Variants in SLC12A7 observed in about 807,000 individuals in gnomAD.
SLC12A7 encodes solute carrier family 12 member 7, also known as K-Cl cotransporter 4.
A neutral mutation model predicts 120.6 loss-of-function variants in SLC12A7; 100 were observed. The ratio of observed to expected loss-of-function variants is 0.83; its 90% CI spans 0.71 to 0.98. The LOEUF (loss-of-function observed/expected upper bound fraction) is 0.98. Among genes scored for constraint, SLC12A7 ranks in the 50% least tolerant of loss-of-function variants. The pLI is 0.00. For synonymous variants in SLC12A7, 760 were observed against 678.0 expected, an observed-to-expected ratio of 1.12 and a Z score of -1.88; for missense variants, 1,373 against 1,548.1, an observed-to-expected ratio of 0.89 and a Z score of 1.90.
chr5:1,084,475 G>A lies in SLC12A7; in HGVS notation c.918-519C>T, dbSNP rs146730350. ...TGAGTTCAAGCCACCCTCGTGCCACGTGCCAACGGCCAAGAGCACAGGAGT... is the reference window on the plus strand; with the variant it reads ...TGAGTTCAAGCCACCCTCGTGCCACATGCCAACGGCCAAGAGCACAGGAGT... On this transcript the variant is annotated intron_variant, in intron 7 of 23. Transcript: ENST00000264930. Among the ~76,000 whole-genome samples, 265 of 152,306 alleles carry A rather than the reference G, an allele frequency of 1.7e-3. 3 individuals carry two copies. The highest frequency in any genetic ancestry group is 8.5e-3 in the East Asian group (44 of 5,164).
At chr5:1,131,157 G>A in the SLC12A7 span, among the ~76,000 whole-genome samples, 3 of 152,282 alleles carry the variant, frequency 2.0e-5, no homozygotes, top group Middle Eastern at 3.4e-3. Flanking sequence ...TCACAGGGAC[G>A]TCCCGGATCG....
intron 1 of SLC12A7, among the ~76,000 whole-genome samples, chr5:1,101,651 G>C (rs1455395862): frequency 6.6e-6 from 1 of 152,112 alleles, no homozygotes; most frequent in Non-Finnish European, 1.5e-5. Context: ...TTATAAAAAC[G>C]ACCCCAGGTA....
At chr5:1,069,684 T>A (rs1025823798) in intron 17 of SLC12A7, among the ~76,000 whole-genome samples, 37 of 152,050 alleles carry the variant, frequency 2.4e-4, no homozygotes, top group African/African-American at 8.9e-4. Context: ...ACTCAAAAGC[T>A]CCCTGCTTTA....
At chr5:1,130,286 T>A in the SLC12A7 span, among the ~76,000 whole-genome samples, 1 of 152,124 alleles carries the variant, frequency 6.6e-6, no homozygotes, top group Admixed American at 6.5e-5. Flanking sequence ...GAGGAGGCAC[T>A]CTCAGGACAA....
At chr5:1,083,233 G>T (rs954814072) in intron 8 of SLC12A7, among the ~76,000 whole-genome samples, 1 of 151,158 alleles carries the variant, frequency 6.6e-6, no homozygotes, top group Admixed American at 6.6e-5. Flanking sequence ...GCTCTGGAAA[G>T]CCTGGGCTTC....
intron 1 of SLC12A7, among the ~76,000 whole-genome samples, chr5:1,100,154 C>A (rs1002625678): frequency 6.6e-6 from 1 of 152,254 alleles, no homozygotes; most frequent in South Asian, 2.1e-4. Context: ...GAGACTCAGG[C>A]GGGTGTCTGC....
the SLC12A7 span, among the ~76,000 whole-genome samples, chr5:1,144,561 C>T: frequency 3.3e-5 from 5 of 152,208 alleles, no homozygotes; most frequent in African/African-American, 1.2e-4. Flanking sequence ...GGTGAGGTCA[C>T]GCTGGGTCAT....
chr5:1,106,634 G>A (rs1046882868), intron 1 of SLC12A7, among the ~76,000 whole-genome samples: 17 of 152,292 alleles, frequency 1.1e-4, no homozygotes, highest in African/African-American at 4.1e-4. Flanking sequence ...TGTGCCCAGC[G>A]GTGCCACGTC....
intron 1 of SLC12A7, among the ~76,000 whole-genome samples, chr5:1,111,094 A>G (rs1742965607): frequency 6.6e-6 from 1 of 152,082 alleles, no homozygotes; most frequent in Non-Finnish European, 1.5e-5. Context: ...GGCTGGACTG[A>G]GTCCGGACAC....
chr5:1,103,906 T>TG (rs1227702388), intron 1 of SLC12A7, among the ~76,000 whole-genome samples: 1 of 152,238 alleles, frequency 6.6e-6, no homozygotes, highest in Non-Finnish European at 1.5e-5. Flanking sequence ...GAGTGACGTC[T>TG]GAGCCATGGA....
chr5:1,067,372 G>A (rs1024209436), intron 17 of SLC12A7, among the ~76,000 whole-genome samples: 6 of 152,210 alleles, frequency 3.9e-5, no homozygotes, highest in Admixed American at 6.5e-5. Context: ...GGAAGCACCC[G>A]CATCGGGCGT....
chr5:1,093,701 G>A (rs750340180), intron 2 of SLC12A7, 46 bp from the exon 3 acceptor site: 1 of 1,605,034 alleles, frequency 6.2e-7, no homozygotes, highest in East Asian at 2.2e-5. Context: ...CCTCGCCGTG[G>A]GCCCCCCGAC....
At chr5:1,076,640 C>A in intron 13 of SLC12A7, 54 bp downstream of exon 13, 1 of 1,357,416 alleles carries the variant, frequency 7.4e-7, no homozygotes, top group Non-Finnish European at 1.0e-6. Context: ...CCACACTGCC[C>A]CACGCTCCAG....
the SLC12A7 span, among the ~76,000 whole-genome samples, chr5:1,154,745 C>T: frequency 1.3e-5 from 2 of 151,552 alleles, no homozygotes; most frequent in African/African-American, 4.8e-5. Flanking sequence ...TGAGCTGGGT[C>T]CCCCAGGGCC....
chr5:1,087,095 G>A (rs1269426268), intron 5 of SLC12A7, 62 bp from the exon 6 acceptor site: 25 of 1,528,574 alleles, frequency 1.6e-5, no homozygotes, highest in Middle Eastern at 1.9e-4. Context: ...CCCGAGGTGC[G>A]GTCTGCGCTG....
intron 22 of SLC12A7, chr5:1,056,537 G>C: frequency 4.1e-6 from 4 of 969,294 alleles, no homozygotes; most frequent in Non-Finnish European, 4.9e-6. Flanking sequence ...GGCATGCAGG[G>C]CAACCGGGCC....
At chr5:1,107,138 C>T (rs1397131750) in intron 1 of SLC12A7, among the ~76,000 whole-genome samples, 1 of 152,194 alleles carries the variant, frequency 6.6e-6, no homozygotes, top group Non-Finnish European at 1.5e-5. Context: ...TCTTCTTTCT[C>T]TTTCTTTCTT....
upstream of SLC12A7, among the ~76,000 whole-genome samples, chr5:1,114,391 G>C (rs1193835755): frequency 6.6e-6 from 1 of 152,152 alleles, no homozygotes; most frequent in South Asian, 2.1e-4. Flanking sequence ...TGCGGGTCAA[G>C]ACAGAGACCC....
chr5:1,076,089 C>A, intron 14 of SLC12A7, 49 bp downstream of exon 14: 1 of 1,493,628 alleles, frequency 6.7e-7, no homozygotes, highest in South Asian at 1.2e-5. Context: ...CAGAGGCACC[C>A]AGTGTCCCAG....
Sources: allele counts gnomAD v4.1 joint callset (sites outside exome capture counted in the v4.1 genomes callset), GRCh38; gene constraint gnomAD v4.1.1; transcripts MANE v1.5; gene names NCBI Gene and HGNC (gene_info 2026-07-23, HGNC 2026-07-21).